B4GALNT2: variants seen among roughly 807,000 people sequenced by gnomAD.
The protein encoded by B4GALNT2 is beta-1,4-N-acetyl-galactosaminyltransferase 2 (SID blood group), also known as N-acetylneuraminylgalactosylglucosyl-glucoside beta-1,4-N- acetylgalactosaminyltransferase 2.
In B4GALNT2, 42 loss-of-function variants were observed where a neutral mutation model predicts 51.1. That is an observed-to-expected ratio of 0.82 (90% CI 0.64 to 1.06). The LOEUF is 1.06. B4GALNT2 is among the 50% of genes least tolerant of loss of function. The probability of loss-of-function intolerance (pLI) is 0.00; values close to 1 mark genes in which losing one functional copy is unlikely to be tolerated. For synonymous variants in B4GALNT2, 253 were observed against 251.7 expected, an observed-to-expected ratio of 1.01 and a Z score of -0.05; for missense variants, 602 against 633.6, an observed-to-expected ratio of 0.95 and a Z score of 0.54.
At chr17:49,146,491 T>A (rs1398964325) in intron 3 of B4GALNT2, among the ~76,000 whole-genome samples, 1 of 152,180 alleles carries the variant, frequency 6.6e-6, no homozygotes, top group Non-Finnish European at 1.5e-5. Flanking sequence ...TTGTATTTTT[T>A]ATGGAGATGG....
In B4GALNT2 at chr17:49,141,663, G is replaced by C. The variant is rs561491331; in HGVS notation, c.215+216G>C. On this transcript the variant is annotated intron_variant, in intron 2 of 10. Coordinates refer to ENST00000393354, the MANE Select transcript of B4GALNT2 (RefSeq NM_001159387.2). ...TCCAGCAAAATCCCTTAAAACTTTC[G>C]AGAGCATGTAGTTTTTTTTTATCAA... Among the ~76,000 whole-genome samples, 16 of 152,214 alleles carry C rather than the reference G, an allele frequency of 1.1e-4. No homozygotes were observed. In the East Asian group the frequency reaches 2.7e-3, roughly 26 times the overall value.
intron 8 of B4GALNT2, among the ~76,000 whole-genome samples, chr17:49,164,858 G>A (rs768162133): frequency 6.6e-6 from 1 of 151,862 alleles, no homozygotes; most frequent in Non-Finnish European, 1.5e-5. Context: ...CACCTAGGCT[G>A]GAGTGCAGTG....
chr17:49,127,238 G>A, the B4GALNT2 span, among the ~76,000 whole-genome samples: 1 of 152,122 alleles, frequency 6.6e-6, no homozygotes, highest in African/African-American at 2.4e-5. Flanking sequence ...TCAAGGTGTA[G>A]CTATCTTTAT....
upstream of B4GALNT2, among the ~76,000 whole-genome samples, chr17:49,128,612 C>T (rs1435973259): frequency 2.0e-5 from 3 of 152,080 alleles, no homozygotes; most frequent in East Asian, 1.9e-4. Flanking sequence ...AACCTCTTGG[C>T]GTTTGCCATT....
chr17:49,162,971 C>A (rs2042878574), intron 7 of B4GALNT2, among the ~76,000 whole-genome samples: 1 of 132,782 alleles, frequency 7.5e-6, no homozygotes, highest in Middle Eastern at 3.8e-3. Context: ...GGTTCTGGAA[C>A]AACTTCTGTC....
intron 5 of B4GALNT2, 113 bp from the exon 6 acceptor site, chr17:49,158,924 C>A: frequency 8.0e-7 from 1 of 1,257,118 alleles, no homozygotes; most frequent in Non-Finnish European, 1.1e-6. Flanking sequence ...TGGTGCTTCT[C>A]CCCTCACCCT....
chr17:49,152,867 G>T lies in B4GALNT2; in HGVS notation c.421G>T (p.Gly141Ter), dbSNP rs780701501. ...PNLPFGYPVH[G>*]VEVMPLHTVP... ...CCTCCCCTTTGGGTACCCAGTCCAC[G>T]GAGTGGAGGTGATGCCCCTGCACAC... Residue 141 changes from glycine to a stop codon, truncating the protein, a stop_gained, in exon 4 of 11, where the codon GGA (glycine) becomes TGA (stop). Transcript: ENST00000393354. LOFTEE classifies it high-confidence loss of function. 1.2e-6 allele frequency: 2 copies of T among 1,611,288 alleles called. No homozygotes were observed. The highest frequency in any genetic ancestry group is 1.3e-5 in the African/African-American group (1 of 74,854).
chr17:49,142,225 C>A, intron 3 of B4GALNT2, 53 bp downstream of exon 3: 1 of 1,606,868 alleles, frequency 6.2e-7, no homozygotes, highest in Non-Finnish European at 8.5e-7. Flanking sequence ...AAAGCCCTCC[C>A]TATGTCCTGA....
intron 4 of B4GALNT2, among the ~76,000 whole-genome samples, chr17:49,154,288 A>G (rs1045430841): frequency 6.6e-6 from 1 of 152,212 alleles, no homozygotes; most frequent in Non-Finnish European, 1.5e-5. Flanking sequence ...GGCATGAGCC[A>G]CTGAGCCTGG....
intron 1 of B4GALNT2, chr17:49,133,349 C>G (rs2042558949): frequency 9.3e-7 from 1 of 1,076,232 alleles, no homozygotes; most frequent in Non-Finnish European, 1.2e-6. Context: ...CACCGCAGGG[C>G]AGAGTGAGCT....
At chr17:49,160,368 C>T (rs533358751) in intron 6 of B4GALNT2, among the ~76,000 whole-genome samples, 187 bp from the exon 7 acceptor site, 7 of 152,242 alleles carry the variant, frequency 4.6e-5, no homozygotes, top group South Asian at 2.1e-4. Flanking sequence ...TCATTCAGCA[C>T]GTTGCCCCAG....
the B4GALNT2 span, among the ~76,000 whole-genome samples, chr17:49,126,231 G>T: frequency 0.51 from 76,947 of 151,726 alleles, 19,911 homozygotes; most frequent in Middle Eastern, 0.62. Flanking sequence ...AACATGTGCT[G>T]TGTCCACTCA....
In B4GALNT2 at chr17:49,144,205, C is replaced by T. The variant is rs557393723; in HGVS notation, c.353+2033C>T. 4.6e-5 allele frequency among the ~76,000 whole-genome samples: 7 copies of T among 152,260 alleles called. No homozygotes were observed. In the East Asian group the frequency reaches 1.4e-3, roughly 29 times the overall value. On this transcript the variant is annotated intron_variant, in intron 3 of 10. Coordinates refer to ENST00000393354, the MANE Select transcript of B4GALNT2 (RefSeq NM_001159387.2). Reference sequence around the variant, plus strand: ...ACCAGTCCCATCATGGGGTCCCTACCTGATGACCTTATCCTAATTACTTCC... The same window carrying T: ...ACCAGTCCCATCATGGGGTCCCTACTTGATGACCTTATCCTAATTACTTCC...
At chr17:49,145,892 G>A (rs180955634) in intron 3 of B4GALNT2, among the ~76,000 whole-genome samples, 1 of 152,304 alleles carries the variant, frequency 6.6e-6, no homozygotes, top group Admixed American at 6.5e-5. Context: ...TGTCCAGGTG[G>A]CAATATTAAC....
At chr17:49,166,078 T>C (rs2042908194) in intron 8 of B4GALNT2, 36 bp from the exon 9 acceptor site, 8 of 1,602,910 alleles carry the variant, frequency 5.0e-6, no homozygotes, top group Non-Finnish European at 6.8e-6. Flanking sequence ...ATATGTAATA[T>C]GGGCAACCAC....
At chr17:49,129,886 T>C (rs9898074), upstream of B4GALNT2, among the ~76,000 whole-genome samples, 89,352 of 151,746 alleles carry the variant, frequency 0.59, 26,552 homozygotes, top group Middle Eastern at 0.67. Context: ...TGATGCCCTT[T>C]GGATTTAGGT....
At chr17:49,161,108 C>G (rs566450915) in intron 7 of B4GALNT2, among the ~76,000 whole-genome samples, 4 of 152,140 alleles carry the variant, frequency 2.6e-5, no homozygotes, top group Admixed American at 6.6e-5. Flanking sequence ...AACCCCATCT[C>G]TACTAAAAAT....
Position 49,141,286 on chromosome 17 carries a change from C to A in B4GALNT2, c.54C>A (p.Ile18=), listed in dbSNP as rs775868056. The stretch of plus-strand genomic sequence containing the variant: ...GGCTCCTCAAGATATTGGTCATAAT[C>A]CTGGTACTTGGCATTGTTGGATTTA... ...FLWLLKILVI[I]LVLGIVGFMF... Residue 18 remains isoleucine, a synonymous_variant, in exon 2 of 11, where the codon ATC becomes ATA. Coordinates refer to ENST00000393354, the MANE Select transcript of B4GALNT2 (RefSeq NM_001159387.2). 28 of 1,613,962 alleles carry A rather than the reference C, an allele frequency of 1.7e-5. No individual in the cohort carries two copies. The highest frequency in any genetic ancestry group is 2.2e-5 in the Non-Finnish European group (26 of 1,180,004).
In B4GALNT2 at chr17:49,172,844, T is replaced by C. The variant is rs1011005164; in HGVS notation, c.*3116T>C. 6.6e-6 allele frequency: 1 copy of C among 152,168 alleles called. No individual in the cohort carries two copies. Among genetic ancestry groups the C allele is most frequent in the Non-Finnish European group, 1.5e-5 (1 of 68,028 alleles). The allele number at this position is 152,168 out of a possible 1,614,324, so 9.4% of individuals were successfully genotyped here. A position where few individuals can be genotyped will look rare whatever the true frequency, so the allele number is the denominator to read the frequency against. Reference sequence around the variant, plus strand: ...GTGAGAAAAGGTGTCCACACATACATGTACATAAGCTAGTCTCCCAAACGA... The same window carrying C: ...GTGAGAAAAGGTGTCCACACATACACGTACATAAGCTAGTCTCCCAAACGA... On this transcript the variant is annotated 3_prime_UTR_variant, in exon 11 of 11. Coordinates refer to ENST00000393354, the MANE Select transcript of B4GALNT2 (RefSeq NM_001159387.2).
Sources: allele counts gnomAD v4.1 joint callset (sites outside exome capture counted in the v4.1 genomes callset), GRCh38; gene constraint gnomAD v4.1.1; transcripts MANE v1.5; gene names NCBI Gene and HGNC (gene_info 2026-07-23, HGNC 2026-07-21).